Variants in TLK2 observed in about 807,000 individuals in gnomAD.
TLK2 encodes serine/threonine-protein kinase tousled-like 2.
In TLK2, 6 loss-of-function variants were observed where a neutral mutation model predicts 117.3. The observed-to-expected ratio is 0.05, with a 90% confidence interval of 0.03 to 0.10. The LOEUF (loss-of-function observed/expected upper bound fraction) is 0.10. Among genes scored for constraint, TLK2 ranks in the 10% least tolerant of loss-of-function variants. The probability of loss-of-function intolerance (pLI) is 1.00; values close to 1 mark genes in which losing one functional copy is unlikely to be tolerated. For missense variants in TLK2, 299 were observed against 901.2 expected (o/e 0.33, Z 8.56); for synonymous variants, 257 against 316.7 (o/e 0.81, Z 2.00).
At chr17:62,530,431 C>T (rs1409273425) in intron 6 of TLK2, among the ~76,000 whole-genome samples, 4 of 152,166 alleles carry the variant, frequency 2.6e-5, no homozygotes, top group African/African-American at 4.8e-5. Flanking sequence ...CACACCACTG[C>T]GCTCCATCCT....
intron 19 of TLK2, among the ~76,000 whole-genome samples, chr17:62,603,503 T>G (rs2083028041): frequency 6.6e-6 from 1 of 152,168 alleles, no homozygotes. Context: ...CACTGGAATT[T>G]GGATTTGAGC....
intron 2 of TLK2, chr17:62,516,468 C>T: frequency 6.2e-7 from 1 of 1,602,462 alleles, no homozygotes; most frequent in Non-Finnish European, 8.5e-7. Context: ...GCCTGCCAGT[C>T]TCTGGACGGC....
intron 8 of TLK2, among the ~76,000 whole-genome samples, chr17:62,552,986 ACT>A (rs1340895862): frequency 1.3e-5 from 2 of 151,922 alleles, no homozygotes; most frequent in Admixed American, 1.3e-4. Flanking sequence ...GTGTTCAGAA[ACT>A]CTTTAATTTA....
Position 62,613,883 on chromosome 17 carries a change from T to C in TLK2, c.*1318T>C, listed in dbSNP as rs2083953120. ...GTTCACGCCTGTAATCCCAGCACTTTGGGAGGCCGAGGTGGGTGGATCACG... is the reference window on the plus strand; with the variant it reads ...GTTCACGCCTGTAATCCCAGCACTTCGGGAGGCCGAGGTGGGTGGATCACG... On this transcript the variant is annotated 3_prime_UTR_variant, in exon 22 of 22. Coordinates refer to ENST00000346027, the MANE Select transcript of TLK2 (RefSeq NM_006852.6). The C allele has an allele frequency of 6.6e-6, 1 of 152,202 alleles. No individual in the cohort carries two copies. Among genetic ancestry groups the C allele is most frequent in the African/African-American group, 2.4e-5 (1 of 41,448 alleles). The allele number at this position is 152,202 out of a possible 1,614,324, so 9.4% of individuals were successfully genotyped here.
intron 10 of TLK2, among the ~76,000 whole-genome samples, chr17:62,560,845 A>G (rs981521886): frequency 6.6e-6 from 1 of 151,406 alleles, no homozygotes; most frequent in Non-Finnish European, 1.5e-5. Flanking sequence ...TTTTAATTAT[A>G]CTTTAAGTTT....
chr17:62,504,654 TA>T (rs1205812542), intron 2 of TLK2, among the ~76,000 whole-genome samples: 5 of 151,764 alleles, frequency 3.3e-5, no homozygotes, highest in Admixed American at 3.3e-4. Flanking sequence ...AAAATTAAAT[TA>T]AAAAAAGCCG....
chr17:62,545,089 C>A (rs56293507), intron 7 of TLK2, among the ~76,000 whole-genome samples: 1 of 151,954 alleles, frequency 6.6e-6, no homozygotes, highest in Admixed American at 6.6e-5. Flanking sequence ...TGCAGTGGTG[C>A]GATCTCAGCT....
rs139274825 is a variant in TLK2 at position 62,531,369 on chromosome 17, T to C, written c.364-4801T>C. Among the ~76,000 whole-genome samples the C allele has an allele frequency of 8.4e-3, 1,285 of 152,354 alleles. 14 individuals carry two copies. The highest frequency in any genetic ancestry group is 0.029 in the African/African-American group (1,186 of 41,582). ...ATTGTTTCTAATTTGCTATTAGCTC[T>C]ATTGAATTGGTTACTGCCTTTTGAA... is the stretch of plus-strand genomic sequence containing the variant. On this transcript the variant is annotated intron_variant, in intron 6 of 21. Transcript: ENST00000346027.
intron 2 of TLK2, among the ~76,000 whole-genome samples, chr17:62,487,700 C>T (rs560238271): frequency 2.1e-5 from 3 of 141,040 alleles, no homozygotes; most frequent in Non-Finnish European, 4.6e-5. Flanking sequence ...CTCGGCTCAC[C>T]GCAACATCCG....
In TLK2 at chr17:62,553,105, T is replaced by C. The variant is rs538841632; in HGVS notation, c.628-558T>C. ...GTTTTCTTGAAGGCTCTTTTGATAC[T>C]ATATATATTACCTTCAAGACAGGAT... is the stretch of plus-strand genomic sequence containing the variant. On this transcript the variant is annotated intron_variant, in intron 8 of 21. Coordinates refer to ENST00000346027, the MANE Select transcript of TLK2 (RefSeq NM_006852.6). Among the ~76,000 whole-genome samples the C allele has an allele frequency of 1.4e-4, 21 of 152,286 alleles. 1 individual carries two copies. The South Asian group carries it at 4.1e-3, about 30-fold the overall frequency.
At chr17:62,552,988 T>C (rs554257961) in intron 8 of TLK2, among the ~76,000 whole-genome samples, 1 of 152,320 alleles carries the variant, frequency 6.6e-6, no homozygotes, top group African/African-American at 2.4e-5. Context: ...GTTCAGAAAC[T>C]CTTTAATTTA....
intron 2 of TLK2, among the ~76,000 whole-genome samples, chr17:62,496,881 C>T (rs549798560): frequency 1.3e-5 from 2 of 148,246 alleles, no homozygotes; most frequent in African/African-American, 5.0e-5. Flanking sequence ...GGTGTGAACC[C>T]GGGAGGCAGA....
intron 16 of TLK2, among the ~76,000 whole-genome samples, chr17:62,591,571 C>G (rs2082087080): frequency 1.3e-5 from 2 of 152,252 alleles, no homozygotes; most frequent in South Asian, 4.1e-4. Context: ...TGCCTCAGTG[C>G]TGGCAAGTCG....
chr17:62,567,944 T>A (rs2079935044), intron 11 of TLK2, among the ~76,000 whole-genome samples: 1 of 152,198 alleles, frequency 6.6e-6, no homozygotes, highest in Non-Finnish European at 1.5e-5. Context: ...TTAGTAATTT[T>A]TGCTTTCCAC....
At chr17:62,602,330 T>G in intron 19 of TLK2, 150 bp downstream of exon 19, 1 of 700,544 alleles carries the variant, frequency 1.4e-6, no homozygotes, top group Non-Finnish European at 2.2e-6. Context: ...TTACTGTCTT[T>G]TCAACAGTTT....
At chr17:62,573,112 T>C (rs1285896473) in intron 11 of TLK2, 103 bp from the exon 12 acceptor site, 2 of 1,349,484 alleles carry the variant, frequency 1.5e-6, no homozygotes, top group Non-Finnish European at 2.0e-6. Flanking sequence ...AAGGGGCTTA[T>C]TTTTTCTGAA....
At chr17:62,562,259 C>T (rs1324867877) in intron 10 of TLK2, among the ~76,000 whole-genome samples, 1 of 152,144 alleles carries the variant, frequency 6.6e-6, no homozygotes. Flanking sequence ...ACTCTGGAGG[C>T]TGAGGCACGA....
intron 2 of TLK2, among the ~76,000 whole-genome samples, chr17:62,483,584 C>T (rs963908411): frequency 6.6e-6 from 1 of 151,944 alleles, no homozygotes; most frequent in Admixed American, 6.6e-5. Context: ...CTCACCTCAA[C>T]CTCCATCTCC....
rs1320563081 is a variant in TLK2 at position 62,486,301 on chromosome 17, G to A, written c.81+5095G>A. 2.6e-5 allele frequency among the ~76,000 whole-genome samples: 4 copies of A among 152,008 alleles called. 1 individual carries two copies. The highest frequency in any genetic ancestry group is 1.3e-4 in the Admixed American group (2 of 15,246). On this transcript the variant is annotated intron_variant, in intron 2 of 21. Coordinates refer to ENST00000346027, the MANE Select transcript of TLK2 (RefSeq NM_006852.6). ...CCTCCCCAAGTAGCTAGGACTACAG[G>A]CGTGTGCCACTATTCTCAGCTAATT...
Sources: allele counts gnomAD v4.1 joint callset (sites outside exome capture counted in the v4.1 genomes callset), GRCh38; gene constraint gnomAD v4.1.1; transcripts MANE v1.5; gene names NCBI Gene and HGNC (gene_info 2026-07-23, HGNC 2026-07-21).